The following KDM4C variants were observed in gnomAD, a reference collection of about 807,000 sequenced individuals.
KDM4C encodes lysine demethylase 4C.
In KDM4C, 81 loss-of-function variants were observed where a neutral mutation model predicts 129.3. The observed-to-expected ratio is 0.63, with a 90% confidence interval of 0.52 to 0.75. The LOEUF (loss-of-function observed/expected upper bound fraction) is 0.75, where lower values mean the gene tolerates loss of function less well. Ranked by LOEUF, KDM4C falls within the 30% of genes least tolerant of loss-of-function variation. The pLI, the probability that KDM4C is intolerant of heterozygous loss-of-function variation, is 0.00. For missense variants in KDM4C, 1,457 were observed against 1,304.0 expected, an observed-to-expected ratio of 1.12 and a Z score of -1.81; for synonymous variants, 573 against 456.1, an observed-to-expected ratio of 1.26 and a Z score of -3.26.
At chr9:6,886,573 C>A (rs899475534) in intron 6 of KDM4C, among the ~76,000 whole-genome samples, 5 of 149,342 alleles carry the variant, frequency 3.3e-5, no homozygotes, top group Non-Finnish European at 5.9e-5. Context: ...CTCACTGCAA[C>A]CTCTACCTCC....
chr9:6,791,891 C>T (rs1031700490), intron 1 of KDM4C, among the ~76,000 whole-genome samples: 1 of 151,956 alleles, frequency 6.6e-6, no homozygotes, highest in Admixed American at 6.6e-5. Context: ...GTGTGGTAGA[C>T]CATGCCTGTA....
intron 15 of KDM4C, among the ~76,000 whole-genome samples, chr9:7,026,120 G>T (rs183330045): frequency 6.6e-6 from 1 of 151,704 alleles, no homozygotes; most frequent in African/African-American, 2.4e-5. Context: ...GCAGGAGATC[G>T]CTTGAACCCG....
intron 15 of KDM4C, 139 bp downstream of exon 15, chr9:7,016,068 C>G: frequency 2.0e-6 from 1 of 509,462 alleles, no homozygotes. Context: ...CTAGTCTTCC[C>G]TCTCAAAAGC....
chr9:6,924,855 T>A (rs1822189724), intron 8 of KDM4C: 1 of 984,008 alleles, frequency 1.0e-6, no homozygotes, highest in African/African-American at 1.7e-5. Flanking sequence ...GGCTGTCCAC[T>A]ATATATTTTT....
At chr9:6,913,084 C>G (rs1304738362) in intron 8 of KDM4C, among the ~76,000 whole-genome samples, 2 of 152,170 alleles carry the variant, frequency 1.3e-5, no homozygotes, top group Non-Finnish European at 2.9e-5. Context: ...CTATGACATA[C>G]TTGAGACATA....
intron 4 of KDM4C, among the ~76,000 whole-genome samples, chr9:6,845,893 C>T (rs1035479725): frequency 6.6e-6 from 1 of 152,196 alleles, no homozygotes; most frequent in Non-Finnish European, 1.5e-5. Context: ...TGGTGTGCAG[C>T]CTTTCTGCTG....
intron 14 of KDM4C, 96 bp downstream of exon 14, chr9:7,014,097 G>T: frequency 1.1e-6 from 1 of 894,196 alleles, no homozygotes; most frequent in African/African-American, 1.7e-5. Context: ...CTGTTGCATG[G>T]ACTATTGGCA....
intron 17 of KDM4C, among the ~76,000 whole-genome samples, chr9:7,069,679 G>T (rs1327729781): frequency 6.6e-6 from 1 of 152,142 alleles, no homozygotes; most frequent in Non-Finnish European, 1.5e-5. Context: ...GATACAACAG[G>T]TGTATATAGT....
upstream of KDM4C, among the ~76,000 whole-genome samples, chr9:6,756,393 T>C (rs1465256068): frequency 2.0e-5 from 3 of 152,144 alleles, no homozygotes; most frequent in Non-Finnish European, 4.4e-5. Context: ...ATTTGGAAAA[T>C]TCCCAGTTGA....
chr9:6,890,660 A>G (rs1017809554), intron 7 of KDM4C, among the ~76,000 whole-genome samples: 3 of 151,124 alleles, frequency 2.0e-5, no homozygotes, highest in African/African-American at 7.3e-5. Flanking sequence ...CATGAGCTGG[A>G]TTTTCTAGGT....
chr9:7,000,833 C>A lies in KDM4C; in HGVS notation c.1786+10309C>A, dbSNP rs564881951. Among the ~76,000 whole-genome samples the A allele has an allele frequency of 9.9e-5, 15 of 152,220 alleles. No individual in the cohort carries two copies. The South Asian group carries it at 2.1e-3, about 21-fold the overall frequency. ...ACTTTGTTTTCATTGTTACTTTCAC[C>A]TTTTCTTTGGTTGTAAAATTAGCTC... is the stretch of plus-strand genomic sequence containing the variant. On this transcript the variant is annotated intron_variant, in intron 12 of 21. Coordinates refer to ENST00000381309, the MANE Select transcript of KDM4C (RefSeq NM_015061.6).
intron 1 of KDM4C, among the ~76,000 whole-genome samples, chr9:6,760,445 G>GTATATATATATATATATATATATATA (rs60954996): frequency 4.2e-5 from 6 of 142,534 alleles, no homozygotes; most frequent in East Asian, 2.1e-4. Flanking sequence ...CTACTCTTGG[G>GTATATATATATATATATATATATATA]TATATATATA....
chr9:7,063,025 C>G (rs994514051), intron 17 of KDM4C, among the ~76,000 whole-genome samples: 1 of 152,094 alleles, frequency 6.6e-6, no homozygotes, highest in African/African-American at 2.4e-5. Context: ...TATAAATACA[C>G]TTTAATTTCT....
intron 12 of KDM4C, among the ~76,000 whole-genome samples, chr9:7,002,194 C>G (rs754344313): frequency 1.3e-4 from 20 of 152,128 alleles, no homozygotes; most frequent in Non-Finnish European, 2.6e-4. Flanking sequence ...CACTTGCCTC[C>G]CATGGGTAGT....
intron 8 of KDM4C, among the ~76,000 whole-genome samples, chr9:6,945,313 CAATT>C (rs1318357405): frequency 2.0e-5 from 3 of 152,096 alleles, no homozygotes; most frequent in African/African-American, 7.2e-5. Flanking sequence ...TCCTTTGAAA[CAATT>C]AACTAAACCA....
chr9:6,791,558 G>A (rs1325493840), intron 1 of KDM4C, among the ~76,000 whole-genome samples: 2 of 152,146 alleles, frequency 1.3e-5, no homozygotes, highest in Admixed American at 6.5e-5. Context: ...GTTAATTACT[G>A]TAGGAAGGCA....
intron 1 of KDM4C, among the ~76,000 whole-genome samples, chr9:6,789,164 C>T (rs755393154): frequency 1.3e-5 from 2 of 151,326 alleles, no homozygotes; most frequent in Admixed American, 6.6e-5. Context: ...GCAGTCCTCC[C>T]GTCTCAGCCT....
At chr9:6,798,972 CCGGG>C (rs1392732514) in intron 2 of KDM4C, among the ~76,000 whole-genome samples, 16 of 117,788 alleles carry the variant, frequency 1.4e-4, no homozygotes, top group Non-Finnish European at 3.0e-4. Context: ...CGATGGGTGG[CCGGG>C]CAGAGACGCT....
intron 18 of KDM4C, among the ~76,000 whole-genome samples, chr9:7,122,265 A>ACACACACACACACTCTCT (rs375655422): frequency 2.1e-5 from 3 of 144,714 alleles, no homozygotes; most frequent in African/African-American, 7.8e-5. Flanking sequence ...ACACACACAC[A>ACACACACACACACTCTCT]CTCTCTCTCT....
Sources: allele counts gnomAD v4.1 joint callset (sites outside exome capture counted in the v4.1 genomes callset), GRCh38; gene constraint gnomAD v4.1.1; transcripts MANE v1.5; gene names NCBI Gene and HGNC (gene_info 2026-07-23, HGNC 2026-07-21).